The following ZAN variants were observed in gnomAD, a reference collection of about 807,000 sequenced individuals.
ZAN encodes the protein zonadhesin.
A neutral mutation model predicts 286.2 loss-of-function variants in ZAN; 260 were observed. That is an observed-to-expected ratio of 0.91 (90% CI 0.82 to 1.01). The LOEUF (loss-of-function observed/expected upper bound fraction) is 1.01. Among genes scored for constraint, ZAN ranks in the 50% least tolerant of loss-of-function variants. ZAN has a pLI of 0.00. For synonymous variants in ZAN, 1,368 were observed against 1,417.5 expected, an observed-to-expected ratio of 0.97 and a Z score of 0.79; for missense variants, 3,410 against 3,639.2, an observed-to-expected ratio of 0.94 and a Z score of 1.62.
In ZAN at chr7:100,764,138, C is replaced by T. The variant is rs1584589248; in HGVS notation, c.4209C>T (p.Thr1403=). The change falls in exon 22 of 48, where the codon ACC becomes ACT. Residue 1403 remains threonine, a synonymous_variant. Transcript: ENST00000613979. ...HLLCTHMSTM[T]TTCQDAGHAV... ...TGTGCACACACATGTCCACCATGAC[C>T]ACCACCTGCCAGGACGCAGGCCACG... The T allele has an allele frequency of 1.2e-6, 2 of 1,609,778 alleles. No homozygotes were observed. The highest frequency in any genetic ancestry group is 8.5e-7 in the Non-Finnish European group (1 of 1,177,938).
At position 100,737,273 on chromosome 7, in the gene ZAN, G is replaced by A. The variant is rs1362240426; in HGVS notation, c.537G>A (p.Glu179=). The change falls in exon 6 of 48, where the codon GAG becomes GAA. Residue 179 remains glutamate (E), a synonymous_variant. Transcript: ENST00000613979. ...GFTLPTRLMF[E]GTRGSTAYLD... Reference sequence around the variant, plus strand: ...TTATCCTCTTGCAGCTGATGTTTGAGGGAACACGGGGTAGCACTGCCTACC... The same window carrying A: ...TTATCCTCTTGCAGCTGATGTTTGAAGGAACACGGGGTAGCACTGCCTACC... 1.3e-6 allele frequency: 2 copies of A among 1,486,472 alleles called. 1 individual carries two copies. Among genetic ancestry groups the A allele is most frequent in the Non-Finnish European group, 1.8e-6 (2 of 1,087,370 alleles). 92.1% of individuals were successfully genotyped at this position (1,486,472 alleles called of 1,614,324 possible). A position where few individuals can be genotyped will look rare whatever the true frequency, so the allele number is the denominator to read the frequency against.
At chr7:100,768,210 A>G (rs963021552) in intron 26 of ZAN, among the ~76,000 whole-genome samples, 199 bp downstream of exon 26, 19 of 152,126 alleles carry the variant, frequency 1.2e-4, no homozygotes, top group African/African-American at 4.6e-4. Context: ...GGTGGCTCAT[A>G]CCTGTAAATG....
At position 100,781,828 on chromosome 7, in the gene ZAN, C is replaced by T. The variant is rs184291900; in HGVS notation, c.6622+2078C>T. Among the ~76,000 whole-genome samples the T allele has an allele frequency of 2.3e-3, 350 of 151,830 alleles. 1 individual carries two copies. The highest frequency in any genetic ancestry group is 6.2e-3 in the Admixed American group (95 of 15,228). On this transcript the variant is annotated intron_variant, in intron 35 of 47. Transcript: ENST00000613979. ...CTAATTTTTGTATTTTTAGTAGAGA[C>T]GGGGTTTCACCATATTGGCCAGGCT... is the stretch of plus-strand genomic sequence containing the variant.
In ZAN at chr7:100,791,118, A is replaced by G. The variant is rs114410736; in HGVS notation, c.7529+5A>G. 422 of 1,609,068 alleles carry G rather than the reference A, an allele frequency of 2.6e-4. 1 individual carries two copies. In the African/African-American group the frequency reaches 5.2e-3, roughly 20 times the overall value. On this transcript the variant is annotated splice_donor_5th_base_variant and intron_variant, in intron 40 of 47. Transcript: ENST00000613979. Reference sequence around the variant, plus strand: ...CGCACTCCTGCGCTTCCCCAGGTGCACGGCCTGGAAGGGATGAGGCGGGGG... The same window carrying G: ...CGCACTCCTGCGCTTCCCCAGGTGCGCGGCCTGGAAGGGATGAGGCGGGGG...
intron 45 of ZAN, among the ~76,000 whole-genome samples, chr7:100,796,198 T>C (rs985066453): frequency 5.9e-5 from 9 of 152,148 alleles, no homozygotes; most frequent in Admixed American, 1.3e-4. Context: ...GACCTGTATC[T>C]CTCACCCCTG....
chr7:100,737,332 G>A lies in ZAN; in HGVS notation c.596G>A (p.Arg199Gln), dbSNP rs771401230. The change falls in exon 6 of 48, where the codon CGG becomes CAG. Residue 199 changes from arginine (R) to glutamine (Q), a missense_variant. Around this residue, in one of 7 missense-constraint regions of ZAN, gnomAD observed 872 missense variants for 938.9 expected, o/e 0.93. Coordinates refer to ENST00000613979, the MANE Select transcript of ZAN (RefSeq NM_003386.3). The stretch of plus-strand genomic sequence containing the variant: ...GCCCTGGATGCCCTCTCTATCCGCC[G>A]GGGCTCCTGTAATCGCGGTGAGTCC... Reference protein sequence around the residue: ...DIALDALSIRRGSCNRVCMMQ... With the variant: ...DIALDALSIRQGSCNRVCMMQ... 4 of 1,473,830 alleles carry A rather than the reference G, an allele frequency of 2.7e-6. No individual in the cohort carries two copies. The highest frequency in any genetic ancestry group is 3.7e-6 in the Non-Finnish European group (4 of 1,080,920). The allele number at this position is 1,473,830 out of a possible 1,614,324, so 91.3% of individuals were successfully genotyped here.
chr7:100,749,815 C>T (rs1338582544), intron 11 of ZAN, among the ~76,000 whole-genome samples: 2 of 150,956 alleles, frequency 1.3e-5, no homozygotes, highest in Non-Finnish European at 1.5e-5. Context: ...CTTTGGGAGG[C>T]TGAGACGGGT....
chr7:100,764,071 G>C lies in ZAN; in HGVS notation c.4142G>C (p.Cys1381Ser). The C allele has an allele frequency of 6.2e-7, 1 of 1,613,760 alleles. No homozygotes were observed. Among genetic ancestry groups the C allele is most frequent in the Non-Finnish European group, 8.5e-7 (1 of 1,179,840 alleles). The change falls in exon 22 of 48, where the codon TGC (cysteine) becomes TCC (serine). Residue 1381 changes from cysteine (C) to serine (S), a missense_variant. Physicochemically the swap from Cys to Ser is moderately radical, Grantham distance 112. Coordinates refer to ENST00000613979, the MANE Select transcript of ZAN (RefSeq NM_003386.3). ...HVKAASFFDS[C>S]MLDMCGFQGL... is the part of the protein sequence containing the mutation. The stretch of plus-strand genomic sequence containing the variant: ...AAGGCCGCTTCCTTCTTCGACAGCT[G>C]CATGCTTGATATGTGCGGATTCCAG...
In ZAN at chr7:100,736,834, G is replaced by A. The variant is rs761898200; in HGVS notation, c.279G>A (p.Ser93=). Residue 93 remains serine, a synonymous_variant, in exon 5 of 48, where the codon TCG becomes TCA. Coordinates refer to ENST00000613979, the MANE Select transcript of ZAN (RefSeq NM_003386.3). ...AGGGCAGCTATCTGCATATGGAATCGAACAGCTTCCACCGTGGGGGAGTGG... is the reference window on the plus strand; with the variant it reads ...AGGGCAGCTATCTGCATATGGAATCAAACAGCTTCCACCGTGGGGGAGTGG... ...NGEGSYLHME[S]NSFHRGGVAR... is the part of the protein sequence containing the mutation. The A allele has an allele frequency of 1.4e-5, 20 of 1,480,824 alleles. 4 individuals are homozygous for A. The Admixed American group carries it at 2.3e-4, about 17-fold the overall frequency. 91.7% of individuals were successfully genotyped at this position (1,480,824 alleles called of 1,614,324 possible).
intron 36 of ZAN, 31 bp downstream of exon 36, chr7:100,784,865 C>T (rs1188261236): frequency 1.9e-6 from 3 of 1,546,534 alleles, no homozygotes; most frequent in Non-Finnish European, 2.6e-6. Context: ...GGACTGGAGG[C>T]AACACAGCTT....
chr7:100,758,989 C>T lies in ZAN; in HGVS notation c.3571+339C>T, dbSNP rs191227724. Among the ~76,000 whole-genome samples, 492 of 152,152 alleles carry T rather than the reference C, an allele frequency of 3.2e-3. 3 individuals are homozygous for T. Among genetic ancestry groups the T allele is most frequent in the African/African-American group, 0.011 (472 of 41,510 alleles). On this transcript the variant is annotated intron_variant, in intron 17 of 47. Coordinates refer to ENST00000613979, the MANE Select transcript of ZAN (RefSeq NM_003386.3). ...CTGTAACCCCAACACTTTGGGAAGC[C>T]GAGGTGGGGGGTTCACCTGAGGTCA...
At chr7:100,748,527 C>A in intron 11 of ZAN, 57 bp downstream of exon 11, 1 of 1,555,518 alleles carries the variant, frequency 6.4e-7, no homozygotes. Context: ...TCCCAGGTAG[C>A]AGGCTGGCTG....
intron 8 of ZAN, among the ~76,000 whole-genome samples, 156 bp from the exon 9 acceptor site, chr7:100,747,394 A>C (rs1337762254): frequency 6.6e-6 from 1 of 152,106 alleles, no homozygotes; most frequent in Non-Finnish European, 1.5e-5. Context: ...CTCAAAAAAA[A>C]ATAATGAATA....
rs1419505944 is a variant in ZAN, at chr7:100,752,967, A to G, written c.2862A>G (p.Lys954=). Residue 954 remains lysine, a synonymous_variant, in exon 14 of 48, where the codon AAA becomes AAG. Coordinates refer to ENST00000613979, the MANE Select transcript of ZAN (RefSeq NM_003386.3). ...AAAAACCCACCATCTCCCCAGAAAAACTCACCATCCCCACAGAAAAACCCA... is the reference window on the plus strand; with the variant it reads ...AAAAACCCACCATCTCCCCAGAAAAGCTCACCATCCCCACAGAAAAACCCA... ...PTEKPTISPE[K]LTIPTEKPTI... 4.4e-6 allele frequency: 7 copies of G among 1,605,376 alleles called. No homozygotes were observed. Among genetic ancestry groups the G allele is most frequent in the East Asian group, 2.3e-5 (1 of 44,324 alleles).
At chr7:100,772,427 A>T (rs1321282520) in intron 29 of ZAN, among the ~76,000 whole-genome samples, 2 of 149,486 alleles carry the variant, frequency 1.3e-5, no homozygotes, top group Non-Finnish European at 3.0e-5. Context: ...TGAAACAAAA[A>T]ACAAGAGTGA....
intron 20 of ZAN, 144 bp downstream of exon 20, chr7:100,762,502 T>G (rs1245141441): frequency 8.7e-7 from 1 of 1,142,932 alleles, no homozygotes; most frequent in Non-Finnish European, 1.2e-6. Context: ...CTCAGCTCAC[T>G]GCAACCTCCG....
At position 100,789,104 on chromosome 7, in the gene ZAN, C is replaced by T. The variant is rs955712354; in HGVS notation, c.7228-114C>T. 44 of 1,413,290 alleles carry T rather than the reference C, an allele frequency of 3.1e-5. No individual in the cohort carries two copies. The Admixed American group carries it at 9.4e-4, about 30-fold the overall frequency. The allele number at this position is 1,413,290 out of a possible 1,614,324, so 87.5% of individuals were successfully genotyped here. A position where few individuals can be genotyped will look rare whatever the true frequency, so the allele number is the denominator to read the frequency against. ...CAAAGCCCATTGGGGTATCTTATTC[C>T]ACTCTCTGCACGGAGACATATGGAG... On this transcript the variant is annotated intron_variant, in intron 38 of 47. Transcript: ENST00000613979.
chr7:100,747,707 G>A (rs1808330229), intron 9 of ZAN, 66 bp downstream of exon 9: 7 of 1,461,798 alleles, frequency 4.8e-6, no homozygotes, highest in African/African-American at 1.4e-5. Context: ...AATAAATTGA[G>A]GGGCCTGGTG....
intron 7 of ZAN, among the ~76,000 whole-genome samples, chr7:100,739,013 T>TC (rs1807559628): frequency 1.3e-5 from 1 of 76,348 alleles, no homozygotes; most frequent in Non-Finnish European, 3.3e-5. Context: ...CCTTCTTCTT[T>TC]TTCTTTTTTT....
Sources: allele counts gnomAD v4.1 joint callset (sites outside exome capture counted in the v4.1 genomes callset), GRCh38; gene constraint gnomAD v4.1.1; regional missense constraint gnomAD v4.1.1; transcripts MANE v1.5; gene names NCBI Gene and HGNC (gene_info 2026-07-23, HGNC 2026-07-21).